SMARCC1: variants seen among roughly 807,000 people sequenced by gnomAD.
The protein encoded by SMARCC1 is SWI/SNF related BAF chromatin remodeling complex subunit C1, also known as SWI/SNF complex subunit SMARCC1.
A neutral mutation model predicts 147.4 loss-of-function variants in SMARCC1; 43 were observed. The ratio of observed to expected loss-of-function variants is 0.29; its 90% CI spans 0.23 to 0.38. The LOEUF is 0.38. SMARCC1 is among the 10% of genes least tolerant of loss of function. The pLI, the probability that SMARCC1 is intolerant of heterozygous loss-of-function variation, is 1.00. For synonymous variants in SMARCC1, 495 were observed against 484.4 expected, an observed-to-expected ratio of 1.02 and a Z score of -0.29; for missense variants, 1,119 against 1,381.1, an observed-to-expected ratio of 0.81 and a Z score of 3.01.
In SMARCC1 at chr3:47,635,245, C is replaced by T. The variant is rs1019198497; in HGVS notation, c.2591G>A (p.Gly864Glu). ...AGCTGCTGCGGCTGTGGCAACATTTCCTTCGGAAATTTCATGTTCTACTTT... is the reference window on the plus strand; with the variant it reads ...AGCTGCTGCGGCTGTGGCAACATTTTCTTCGGAAATTTCATGTTCTACTTT... ...KKKVEHEISEGNVATAAAAAL... is the reference protein window; with the variant it reads ...KKKVEHEISEENVATAAAAAL... Residue 864 changes from glycine to glutamate, a missense_variant, in exon 24 of 28, where the codon GGA becomes GAA. Coordinates refer to ENST00000254480, the MANE Select transcript of SMARCC1 (RefSeq NM_003074.4). 2 of 1,613,830 alleles carry T rather than the reference C, an allele frequency of 1.2e-6. No individual in the cohort carries two copies. The highest frequency in any genetic ancestry group is 1.7e-6 in the Non-Finnish European group (2 of 1,179,962).
At position 47,718,918 on chromosome 3, in the gene SMARCC1, A is replaced by T. The variant is rs531079910; in HGVS notation, c.716+1748T>A. Among the ~76,000 whole-genome samples, 487 of 152,084 alleles carry T rather than the reference A, an allele frequency of 3.2e-3. 2 individuals carry two copies. Among genetic ancestry groups the T allele is most frequent in the Non-Finnish European group, 3.9e-3 (264 of 67,998 alleles). On this transcript the variant is annotated intron_variant, in intron 7 of 27. Transcript: ENST00000254480. Reference sequence around the variant, plus strand: ...ATATTAAATAATTATTTAATAAATTAAAAAAAATTTTTTTTTGAGATGGAG... The same window carrying T: ...ATATTAAATAATTATTTAATAAATTTAAAAAAATTTTTTTTTGAGATGGAG...
At chr3:47,740,868 A>C (rs1176765827) in intron 3 of SMARCC1, among the ~76,000 whole-genome samples, 2 of 151,570 alleles carry the variant, frequency 1.3e-5, no homozygotes, top group Non-Finnish European at 2.9e-5. Flanking sequence ...AAAAAAAAAA[A>C]ACAAAAACCT....
intron 21 of SMARCC1, among the ~76,000 whole-genome samples, chr3:47,659,293 G>T (rs182949910): frequency 0.021 from 2,884 of 138,160 alleles, 39 homozygotes; most frequent in Non-Finnish European, 0.032. Flanking sequence ...AAAAAAAAAA[G>T]AAAAAAAAAA....
At chr3:47,614,182 G>T (rs536792233) in intron 25 of SMARCC1, among the ~76,000 whole-genome samples, 2 of 152,272 alleles carry the variant, frequency 1.3e-5, no homozygotes, top group South Asian at 4.1e-4. Context: ...TTTTATACCT[G>T]AGGTAAAAGA....
chr3:47,731,977 C>T (rs1156462301), intron 5 of SMARCC1, among the ~76,000 whole-genome samples: 1 of 152,210 alleles, frequency 6.6e-6, no homozygotes, highest in Non-Finnish European at 1.5e-5. Flanking sequence ...CAGGCATTGA[C>T]TTCTCTAACT....
Position 47,664,014 on chromosome 3 carries a change from C to A in SMARCC1, c.1900-1422G>T, listed in dbSNP as rs896997610. The stretch of plus-strand genomic sequence containing the variant: ...AGCACTGGCCCTACCATGGGACTTA[C>A]TCCCTCCTCTCCTTTGAGAGGCCCA... On this transcript the variant is annotated intron_variant, in intron 19 of 27. Coordinates refer to ENST00000254480, the MANE Select transcript of SMARCC1 (RefSeq NM_003074.4). 1.6e-5 allele frequency: 12 copies of A among 753,502 alleles called. No individual in the cohort carries two copies. In the East Asian group the frequency reaches 3.3e-4, roughly 21 times the overall value. 46.7% of individuals were successfully genotyped at this position (753,502 alleles called of 1,614,324 possible). A position where few individuals can be genotyped will look rare whatever the true frequency, so the allele number is the denominator to read the frequency against.
At chr3:47,696,947 A>G (rs1241660844) in intron 11 of SMARCC1, among the ~76,000 whole-genome samples, 3 of 152,110 alleles carry the variant, frequency 2.0e-5, no homozygotes, top group African/African-American at 4.8e-5. Context: ...TGAAGCCTCA[A>G]TGTCCTTGGT....
intron 27 of SMARCC1, among the ~76,000 whole-genome samples, chr3:47,589,438 T>C (rs1414383552): frequency 3.9e-5 from 6 of 152,080 alleles, no homozygotes; most frequent in African/African-American, 9.7e-5. Flanking sequence ...ACCTCTGCAA[T>C]AGGGATGGAA....
chr3:47,655,897 T>G (rs543510069), intron 21 of SMARCC1, among the ~76,000 whole-genome samples: 1 of 152,174 alleles, frequency 6.6e-6, no homozygotes, highest in Non-Finnish European at 1.5e-5. Context: ...TAAAAAATGC[T>G]GGGAATATAC....
At chr3:47,731,349 G>A (rs1451916963) in intron 5 of SMARCC1, among the ~76,000 whole-genome samples, 2 of 152,168 alleles carry the variant, frequency 1.3e-5, no homozygotes, top group Non-Finnish European at 2.9e-5. Flanking sequence ...AACCACGTCT[G>A]TAGTTACTTC....
At chr3:47,614,064 A>AG (rs2032603912) in intron 25 of SMARCC1, among the ~76,000 whole-genome samples, 1 of 152,228 alleles carries the variant, frequency 6.6e-6, no homozygotes, top group Non-Finnish European at 1.5e-5. Flanking sequence ...TGAGACTTGA[A>AG]GCCTCAGAGC....
intron 9 of SMARCC1, among the ~76,000 whole-genome samples, chr3:47,710,180 G>A (rs546831893): frequency 6.6e-6 from 1 of 152,232 alleles, no homozygotes; most frequent in African/African-American, 2.4e-5. Context: ...AGCCAGGTAT[G>A]GTGGCAAGCG....
chr3:47,625,377 G>A (rs1426701783), intron 24 of SMARCC1, among the ~76,000 whole-genome samples: 2 of 152,054 alleles, frequency 1.3e-5, no homozygotes, highest in African/African-American at 4.8e-5. Flanking sequence ...TGGGACTACA[G>A]GCACACACCA....
intron 25 of SMARCC1, among the ~76,000 whole-genome samples, chr3:47,615,386 G>A (rs1211033978): frequency 1.3e-5 from 2 of 152,128 alleles, no homozygotes; most frequent in African/African-American, 4.8e-5. Context: ...AAACTATCAA[G>A]GCAGGCTGAC....
At chr3:47,776,172 A>C (rs907867836) in intron 1 of SMARCC1, among the ~76,000 whole-genome samples, 6 of 152,002 alleles carry the variant, frequency 3.9e-5, no homozygotes, top group African/African-American at 1.2e-4. Flanking sequence ...AAAATACTTC[A>C]AGTGTATCTT....
At chr3:47,676,903 C>T in intron 16 of SMARCC1, 121 bp from the exon 17 acceptor site, 1 of 742,382 alleles carries the variant, frequency 1.3e-6, no homozygotes, top group Non-Finnish European at 2.2e-6. Flanking sequence ...AGCAGGCTGT[C>T]AAACATCACA....
Position 47,678,314 on chromosome 3 carries a change from A to T in SMARCC1, c.1458-3T>A. ...TAAAATTTCGATATGCCAAGTATCT[A>T]AAAAGCAATGGCAAAATTCATAAGG... On this transcript the variant is annotated splice_polypyrimidine_tract_variant and splice_region_variant and intron_variant, in intron 15 of 27. Transcript: ENST00000254480. 6.5e-7 allele frequency: 1 copy of T among 1,529,236 alleles called. No individual in the cohort carries two copies. The highest frequency in any genetic ancestry group is 9.0e-7 in the Non-Finnish European group (1 of 1,114,648). 94.7% of individuals were successfully genotyped at this position (1,529,236 alleles called of 1,614,324 possible).
At chr3:47,677,381 G>A (rs1010125038) in intron 16 of SMARCC1, among the ~76,000 whole-genome samples, 4 of 149,222 alleles carry the variant, frequency 2.7e-5, no homozygotes, top group Non-Finnish European at 4.4e-5. Flanking sequence ...GATTACAGGT[G>A]TGAGCCACCA....
chr3:47,653,414 C>T (rs1050831680), intron 21 of SMARCC1, among the ~76,000 whole-genome samples: 2 of 152,124 alleles, frequency 1.3e-5, no homozygotes, highest in African/African-American at 2.4e-5. Flanking sequence ...TAGTTAATAC[C>T]TATGTGTACA....
Sources: allele counts gnomAD v4.1 joint callset (sites outside exome capture counted in the v4.1 genomes callset), GRCh38; gene constraint gnomAD v4.1.1; transcripts MANE v1.5; gene names NCBI Gene and HGNC (gene_info 2026-07-23, HGNC 2026-07-21).